The following UBTD2 variants were observed in gnomAD, a reference collection of about 807,000 sequenced individuals.
UBTD2 encodes the protein ubiquitin domain containing 2, also known as ubiquitin domain-containing protein 2.
Under a neutral mutation model 19.8 loss-of-function variants are expected in UBTD2, and 9 were observed. That is an observed-to-expected ratio of 0.46 (90% CI 0.27 to 0.79). The LOEUF (loss-of-function observed/expected upper bound fraction) is 0.79, where lower values mean the gene tolerates loss of function less well. Among genes scored for constraint, UBTD2 ranks in the 30% least tolerant of loss-of-function variants. UBTD2 has a pLI of 0.14. For synonymous variants in UBTD2, 98 were observed against 103.9 expected, an observed-to-expected ratio of 0.94 and a Z score of 0.35; for missense variants, 250 against 300.4, an observed-to-expected ratio of 0.83 and a Z score of 1.24.
At chr5:172,275,139 G>A (rs562038096) in intron 1 of UBTD2, among the ~76,000 whole-genome samples, 23 of 152,288 alleles carry the variant, frequency 1.5e-4, no homozygotes, top group African/African-American at 5.1e-4. Context: ...TTACAATCAC[G>A]GTGGAAGGGG....
intron 2 of UBTD2, among the ~76,000 whole-genome samples, chr5:172,213,780 C>CT (rs112049461): frequency 2.2e-4 from 33 of 150,368 alleles, no homozygotes; most frequent in African/African-American, 7.3e-4. Flanking sequence ...GAAAGCATAC[C>CT]TTTTTTTTTT....
intron 1 of UBTD2, among the ~76,000 whole-genome samples, chr5:172,265,942 T>C (rs1207735298): frequency 1.3e-5 from 2 of 151,908 alleles, no homozygotes; most frequent in Admixed American, 1.3e-4. Flanking sequence ...TTTTTTTGTT[T>C]TTCTTTTTTG....
At chr5:172,276,007 T>C (rs1488604504) in intron 1 of UBTD2, among the ~76,000 whole-genome samples, 1 of 152,212 alleles carries the variant, frequency 6.6e-6, no homozygotes, top group Non-Finnish European at 1.5e-5. Flanking sequence ...CTCTTCCCAC[T>C]TTAGGCAATC....
chr5:172,247,529 C>T (rs979116799), intron 1 of UBTD2, among the ~76,000 whole-genome samples: 1 of 152,028 alleles, frequency 6.6e-6, no homozygotes, highest in South Asian at 2.1e-4. Flanking sequence ...ACAACCACCA[C>T]CACCAAAAAC....
rs1257172575 is a variant in UBTD2 at position 172,254,731 on chromosome 5, T to TGG, written c.71-20375_71-20374dup. 2.0e-5 allele frequency: 6 copies of TGG among 298,276 alleles called. No homozygotes were observed. In the Admixed American group the frequency reaches 2.2e-4, roughly 11 times the overall value. 18.5% of individuals were successfully genotyped at this position (298,276 alleles called of 1,614,324 possible). Reference sequence around the variant, plus strand: ...GGTGATTCTCTTGCAACAATGCTTGTGGGGGGGAACACTGAGTTCATTAAG... The same window carrying TGG: ...GGTGATTCTCTTGCAACAATGCTTGTGGGGGGGGGAACACTGAGTTCATTAAG... On this transcript the variant is annotated intron_variant, in intron 1 of 2. Coordinates refer to ENST00000393792, the MANE Select transcript of UBTD2 (RefSeq NM_152277.3).
chr5:172,235,781 TA>T (rs376875122), intron 1 of UBTD2, among the ~76,000 whole-genome samples: 1 of 152,246 alleles, frequency 6.6e-6, no homozygotes, highest in African/African-American at 2.4e-5. Flanking sequence ...TATACAGTGC[TA>T]TAGATAGGGA....
Position 172,209,904 on chromosome 5 carries a change from T to C in UBTD2, c.*1926A>G, listed in dbSNP as rs1771404483. On this transcript the variant is annotated 3_prime_UTR_variant, in exon 3 of 3. Transcript: ENST00000393792. ...CTTTTACCAATCGATATCATAGATA[T>C]TGATGACATCACCAAATCTGCTTAA... is the stretch of plus-strand genomic sequence containing the variant. The C allele has an allele frequency of 6.6e-6, 1 of 152,634 alleles. No homozygotes were observed. The highest frequency in any genetic ancestry group is 2.4e-5 in the African/African-American group (1 of 41,458). 9.5% of individuals were successfully genotyped at this position (152,634 alleles called of 1,614,324 possible).
chr5:172,260,476 AG>A (rs1445883280), intron 1 of UBTD2, among the ~76,000 whole-genome samples: 1 of 151,112 alleles, frequency 6.6e-6, no homozygotes, highest in East Asian at 1.9e-4. Context: ...ATAGAAAAAA[AG>A]TTATTTTTTC....
chr5:172,275,762 T>A (rs1240334171), intron 1 of UBTD2, among the ~76,000 whole-genome samples: 1 of 152,214 alleles, frequency 6.6e-6, no homozygotes, highest in Non-Finnish European at 1.5e-5. Context: ...ACATGGTGAC[T>A]CCACTTAGAC....
At chr5:172,220,735 A>G (rs149184266) in intron 2 of UBTD2, among the ~76,000 whole-genome samples, 153 of 152,370 alleles carry the variant, frequency 1.0e-3, no homozygotes, top group African/African-American at 3.3e-3. Flanking sequence ...CCCTCTCATC[A>G]CCACTTTTAA....
At position 172,283,132 on chromosome 5, in the gene UBTD2, T is replaced by G. The variant is rs538126215; in HGVS notation, c.70+464A>C. 1.7e-3 allele frequency among the ~76,000 whole-genome samples: 265 copies of G among 152,110 alleles called. 1 individual carries two copies. The highest frequency in any genetic ancestry group is 6.0e-3 in the African/African-American group (250 of 41,486). ...AACCGGGGCAGCTGTCATCTGAAAC[T>G]CAGGAAAGCTGAGACCAGCCAACTC... On this transcript the variant is annotated intron_variant, in intron 1 of 2. Coordinates refer to ENST00000393792, the MANE Select transcript of UBTD2 (RefSeq NM_152277.3). The surrounding 1 kb of genome is among the most constrained non-coding windows in gnomAD (Gnocchi z 4.3).
At chr5:172,278,155 C>T (rs534083241) in intron 1 of UBTD2, among the ~76,000 whole-genome samples, 1 of 152,234 alleles carries the variant, frequency 6.6e-6, no homozygotes, top group South Asian at 2.1e-4. Context: ...CCATTAATTC[C>T]ACTCCTATCC....
At chr5:172,272,078 A>C (rs1755501936) in intron 1 of UBTD2, among the ~76,000 whole-genome samples, 1 of 152,248 alleles carries the variant, frequency 6.6e-6, no homozygotes, top group African/African-American at 2.4e-5. Context: ...ACTTCAACAG[A>C]AATTCCACTT....
intron 1 of UBTD2, among the ~76,000 whole-genome samples, chr5:172,243,181 G>A (rs900131796): frequency 6.7e-6 from 1 of 149,350 alleles, no homozygotes; most frequent in Non-Finnish European, 1.5e-5. Context: ...CTTTTTTTGG[G>A]GAAAAATCCT....
chr5:172,268,013 A>T (rs1224612575), intron 1 of UBTD2, among the ~76,000 whole-genome samples: 1 of 152,250 alleles, frequency 6.6e-6, no homozygotes, highest in Non-Finnish European at 1.5e-5. Flanking sequence ...TTAAGAGCAT[A>T]TTATTTTCTC....
In UBTD2 at chr5:172,255,178, G is replaced by A. The variant is rs932721113; in HGVS notation, c.71-20820C>T. On this transcript the variant is annotated intron_variant, in intron 1 of 2. Transcript: ENST00000393792. Reference sequence around the variant, plus strand: ...CCCAGGCGAGGCTCTCTGGTGTGAGGATAGGAACTTGAGAGAGGGGTGCAA... The same window carrying A: ...CCCAGGCGAGGCTCTCTGGTGTGAGAATAGGAACTTGAGAGAGGGGTGCAA... 5.5e-5 allele frequency: 25 copies of A among 458,096 alleles called. No homozygotes were observed. In the Admixed American group the frequency reaches 6.4e-4, roughly 12 times the overall value. The allele number at this position is 458,096 out of a possible 1,614,324, so 28.4% of individuals were successfully genotyped here. A position where few individuals can be genotyped will look rare whatever the true frequency, so the allele number is the denominator to read the frequency against.
intron 1 of UBTD2, among the ~76,000 whole-genome samples, chr5:172,261,169 G>C (rs1755263312): frequency 6.6e-6 from 1 of 152,136 alleles, no homozygotes; most frequent in Non-Finnish European, 1.5e-5. Context: ...GAATGTCTCT[G>C]CTCCCTTTAT....
In UBTD2 at chr5:172,281,128, G is replaced by A. The variant is rs1241924172; in HGVS notation, c.70+2468C>T. Among the ~76,000 whole-genome samples the A allele has an allele frequency of 2.0e-5, 3 of 152,032 alleles. No homozygotes were observed. In the East Asian group the frequency reaches 5.8e-4, roughly 29 times the overall value. On this transcript the variant is annotated intron_variant, in intron 1 of 2. Transcript: ENST00000393792. ...TTGCCTGGGCTGGTCTCCAACTCCT[G>A]GGGCTCAAGCAATCCTCTCGCCTCA...
At chr5:172,246,729 C>T (rs1754890244) in intron 1 of UBTD2, among the ~76,000 whole-genome samples, 1 of 143,548 alleles carries the variant, frequency 7.0e-6, no homozygotes, top group African/African-American at 2.6e-5. Flanking sequence ...CAGGTGTGAG[C>T]CACCACGCCC....
Sources: allele counts gnomAD v4.1 joint callset (sites outside exome capture counted in the v4.1 genomes callset), GRCh38; gene constraint gnomAD v4.1.1; non-coding constraint Gnocchi (gnomAD v3.1); transcripts MANE v1.5; gene names NCBI Gene and HGNC (gene_info 2026-07-23, HGNC 2026-07-21).